Variants in ITGBL1 observed in about 807,000 individuals in gnomAD.
ITGBL1 encodes the protein integrin beta-like protein 1.
In ITGBL1, 51 loss-of-function variants were observed where a neutral mutation model predicts 68.5. That is an observed-to-expected ratio of 0.74 (90% CI 0.59 to 0.94). The LOEUF (loss-of-function observed/expected upper bound fraction) is 0.94, where lower values mean the gene tolerates loss of function less well. ITGBL1 is among the 40% of genes least tolerant of loss of function. The pLI, the probability that ITGBL1 is intolerant of heterozygous loss-of-function variation, is 0.00. For synonymous variants in ITGBL1, 209 were observed against 227.3 expected, an observed-to-expected ratio of 0.92 and a Z score of 0.72; for missense variants, 649 against 647.4, an observed-to-expected ratio of 1.00 and a Z score of -0.03.
intron 2 of ITGBL1, among the ~76,000 whole-genome samples, chr13:101,536,848 T>C (rs1447854737): frequency 6.6e-6 from 1 of 152,002 alleles, no homozygotes; most frequent in East Asian, 1.9e-4. Flanking sequence ...TTCCAGAAAA[T>C]ATCTGGAGCA....
chr13:101,644,616 A>G (rs989291585), intron 7 of ITGBL1, among the ~76,000 whole-genome samples: 3 of 152,236 alleles, frequency 2.0e-5, no homozygotes, highest in Admixed American at 6.5e-5. Flanking sequence ...TTAGGGATTC[A>G]GCAAATACTT....
chr13:101,676,991 G>A (rs2033520247), intron 7 of ITGBL1, among the ~76,000 whole-genome samples: 3 of 152,240 alleles, frequency 2.0e-5, no homozygotes, highest in African/African-American at 4.8e-5. Flanking sequence ...GGGCGTGGTG[G>A]CACATGCCTG....
chr13:101,600,921 A>C (rs375144273), intron 7 of ITGBL1, among the ~76,000 whole-genome samples: 8 of 152,142 alleles, frequency 5.3e-5, no homozygotes, highest in Non-Finnish European at 1.2e-4. Flanking sequence ...TGTCTCTGCC[A>C]GGCTTTGGTA....
intron 7 of ITGBL1, 133 bp downstream of exon 7, chr13:101,598,432 T>C (rs950657501): frequency 3.6e-5 from 25 of 692,340 alleles, no homozygotes; most frequent in Non-Finnish European, 4.9e-5. Flanking sequence ...TTTATTTTTT[T>C]ATTTTATTTT....
intron 2 of ITGBL1, among the ~76,000 whole-genome samples, chr13:101,461,810 C>T (rs1054191163): frequency 1.3e-5 from 2 of 152,130 alleles, no homozygotes; most frequent in Admixed American, 6.6e-5. Flanking sequence ...AGCTTCATAT[C>T]CTGCCCTTGT....
intron 7 of ITGBL1, among the ~76,000 whole-genome samples, chr13:101,600,848 G>T (rs796262543): frequency 6.6e-6 from 1 of 152,042 alleles, no homozygotes; most frequent in South Asian, 2.1e-4. Context: ...GCCAGTATTT[G>T]ATTGAGGATT....
At chr13:101,496,562 A>G (rs2139073674) in intron 2 of ITGBL1, among the ~76,000 whole-genome samples, 1 of 152,318 alleles carries the variant, frequency 6.6e-6, no homozygotes, top group Admixed American at 6.5e-5. Flanking sequence ...TCTATTTTTA[A>G]GTCTTTCCAC....
chr13:101,465,739 T>A (rs1283718937), intron 2 of ITGBL1, among the ~76,000 whole-genome samples: 1 of 152,192 alleles, frequency 6.6e-6, no homozygotes, highest in Non-Finnish European at 1.5e-5. Flanking sequence ...TACTTCTGAC[T>A]TTTTTGAAGA....
chr13:101,632,393 G>A (rs1366653784), intron 7 of ITGBL1, among the ~76,000 whole-genome samples: 1 of 152,144 alleles, frequency 6.6e-6, no homozygotes, highest in Non-Finnish European at 1.5e-5. Context: ...AAATTAAAGA[G>A]CCTGAAAAGC....
intron 7 of ITGBL1, among the ~76,000 whole-genome samples, chr13:101,682,326 TAAAAG>T (rs1027096921): frequency 4.6e-5 from 7 of 152,162 alleles, no homozygotes; most frequent in African/African-American, 1.7e-4. Flanking sequence ...ACCCTATAAG[TAAAAG>T]AAAAGTTCGA....
intron 7 of ITGBL1, among the ~76,000 whole-genome samples, chr13:101,620,409 T>A (rs2031537053): frequency 6.6e-6 from 1 of 152,204 alleles, no homozygotes; most frequent in African/African-American, 2.4e-5. Flanking sequence ...ACACATCTGT[T>A]GTAAGTGGCT....
intron 7 of ITGBL1, among the ~76,000 whole-genome samples, chr13:101,629,963 C>T (rs1319344732): frequency 2.6e-5 from 4 of 152,080 alleles, no homozygotes; most frequent in Admixed American, 2.6e-4. Context: ...GCTGGGATTA[C>T]AGGTGCCTGC....
intron 7 of ITGBL1, among the ~76,000 whole-genome samples, chr13:101,648,584 A>G (rs1460348872): frequency 6.6e-6 from 1 of 152,216 alleles, no homozygotes; most frequent in Admixed American, 6.5e-5. Flanking sequence ...AATTATAAAA[A>G]GACATAACAA....
chr13:101,518,999 A>G (rs1340965551), intron 2 of ITGBL1, among the ~76,000 whole-genome samples: 2 of 152,192 alleles, frequency 1.3e-5, no homozygotes, highest in Non-Finnish European at 2.9e-5. Flanking sequence ...TTTTAAAGTA[A>G]TTGTTGTAAA....
At chr13:101,644,337 G>A (rs1230952212) in intron 7 of ITGBL1, among the ~76,000 whole-genome samples, 1 of 152,092 alleles carries the variant, frequency 6.6e-6, no homozygotes, top group African/African-American at 2.4e-5. Flanking sequence ...CCTTTTCATT[G>A]CATTTGGAAT....
chr13:101,517,129 C>G (rs942633712), intron 2 of ITGBL1, among the ~76,000 whole-genome samples: 1 of 152,146 alleles, frequency 6.6e-6, no homozygotes, highest in African/African-American at 2.4e-5. Flanking sequence ...ATGCCAACCT[C>G]ACCTTGCTTC....
At chr13:101,542,430 G>A (rs370594523) in intron 2 of ITGBL1, among the ~76,000 whole-genome samples, 1 of 152,112 alleles carries the variant, frequency 6.6e-6, no homozygotes, top group African/African-American at 2.4e-5. Context: ...ACAGTTTGTT[G>A]TAATTTCCGT....
chr13:101,464,701 A>G, intron 2 of ITGBL1, among the ~76,000 whole-genome samples: 1 of 152,306 alleles, frequency 6.6e-6, no homozygotes, highest in Middle Eastern at 3.4e-3. Context: ...ATACATACAT[A>G]TTTGATACCC....
intron 7 of ITGBL1, among the ~76,000 whole-genome samples, chr13:101,634,228 A>G (rs187661097): frequency 5.3e-5 from 8 of 152,274 alleles, no homozygotes; most frequent in African/African-American, 1.9e-4. Context: ...TTGGAGTACA[A>G]TTTAATTAGC....
Sources: allele counts gnomAD v4.1 joint callset (sites outside exome capture counted in the v4.1 genomes callset), GRCh38; gene constraint gnomAD v4.1.1; transcripts MANE v1.5; gene names NCBI Gene and HGNC (gene_info 2026-07-23, HGNC 2026-07-21).